Variants in PAM observed in about 807,000 individuals in gnomAD.
PAM encodes peptidyl-glycine alpha-amidating monooxygenase.
A neutral mutation model predicts 122.1 loss-of-function variants in PAM; 72 were observed. That is an observed-to-expected ratio of 0.59 (90% CI 0.49 to 0.72). The LOEUF is 0.72. PAM is among the 30% of genes least tolerant of loss of function. PAM has a pLI of 0.00. For missense variants in PAM, 1,106 were observed against 1,183.7 expected, an observed-to-expected ratio of 0.93 and a Z score of 0.96; for synonymous variants, 389 against 404.4, an observed-to-expected ratio of 0.96 and a Z score of 0.46.
chr5:102,917,813 T>C (rs1745961147), intron 5 of PAM, among the ~76,000 whole-genome samples: 1 of 152,198 alleles, frequency 6.6e-6, no homozygotes, highest in Admixed American at 6.5e-5. Context: ...AATTGCCTCT[T>C]TCTACTGTTC....
chr5:102,912,585 T>C (rs1258176847), intron 4 of PAM, among the ~76,000 whole-genome samples: 5 of 151,830 alleles, frequency 3.3e-5, no homozygotes, highest in African/African-American at 1.2e-4. Flanking sequence ...CTGTTTCTCT[T>C]GCTAACAAAC....
chr5:102,794,496 A>G (rs1180947308), intron 1 of PAM, among the ~76,000 whole-genome samples: 1 of 152,216 alleles, frequency 6.6e-6, no homozygotes, highest in Non-Finnish European at 1.5e-5. Flanking sequence ...TTGAATTAGC[A>G]GATTCTTCCT....
intron 1 of PAM, among the ~76,000 whole-genome samples, chr5:102,800,477 A>G (rs1764415648): frequency 6.6e-6 from 1 of 152,226 alleles, no homozygotes; most frequent in Non-Finnish European, 1.5e-5. Flanking sequence ...TGCTCTCAGC[A>G]ACCTTTAGAA....
At chr5:103,009,450 A>T (rs1457715174) in intron 20 of PAM, among the ~76,000 whole-genome samples, 3 of 152,120 alleles carry the variant, frequency 2.0e-5, no homozygotes, top group Non-Finnish European at 4.4e-5. Context: ...TGTAATAGCT[A>T]TATATGTGTA....
chr5:102,832,794 C>T (rs567746154), intron 1 of PAM, among the ~76,000 whole-genome samples: 2 of 152,226 alleles, frequency 1.3e-5, no homozygotes, highest in Admixed American at 6.6e-5. Flanking sequence ...AACCACACAA[C>T]CTGTGCACAG....
chr5:102,956,660 T>C (rs1019472925), intron 12 of PAM, among the ~76,000 whole-genome samples: 2 of 152,100 alleles, frequency 1.3e-5, no homozygotes, highest in African/African-American at 4.8e-5. Context: ...TTATGCCACC[T>C]TTTTATTTCA....
intron 15 of PAM, among the ~76,000 whole-genome samples, chr5:102,984,560 G>A (rs2150658638): frequency 6.6e-6 from 1 of 152,234 alleles, no homozygotes; most frequent in Middle Eastern, 3.4e-3. Flanking sequence ...AAATATATAT[G>A]CATATGCGTC....
intron 14 of PAM, among the ~76,000 whole-genome samples, chr5:102,973,624 G>A (rs1270231071): frequency 2.0e-5 from 3 of 152,190 alleles, no homozygotes; most frequent in South Asian, 4.1e-4. Context: ...GTTGTCAAAT[G>A]GATACGTATT....
chr5:102,840,396 C>G (rs1778261119), intron 1 of PAM, among the ~76,000 whole-genome samples: 1 of 152,010 alleles, frequency 6.6e-6, no homozygotes, highest in Non-Finnish European at 1.5e-5. Context: ...AATGTATTGA[C>G]TTGTACATAG....
At chr5:102,867,603 CTTATA>C (rs976008333) in intron 3 of PAM, among the ~76,000 whole-genome samples, 9 of 152,138 alleles carry the variant, frequency 5.9e-5, no homozygotes, top group African/African-American at 1.4e-4. Flanking sequence ...TAAAATTTTA[CTTATA>C]TTATCATTTG....
intron 1 of PAM, 81 bp from the exon 2 acceptor site, chr5:102,865,742 A>T (rs1334103317): frequency 6.4e-6 from 1 of 155,780 alleles, no homozygotes; most frequent in Non-Finnish European, 1.4e-5. Context: ...CTACTAATGT[A>T]TTAAAGAACC....
rs1264960212 is a variant in PAM at position 102,901,442 on chromosome 5, C to T, written c.268+29C>T. On this transcript the variant is annotated intron_variant, in intron 4 of 25. Transcript: ENST00000438793. The stretch of plus-strand genomic sequence containing the variant: ...AGTATTAATTGGATTGGGGGAGTAG[C>T]AGTTTAATGGAGGGCAGTGATTTGA... The T allele has an allele frequency of 3.9e-6, 5 of 1,266,184 alleles. No homozygotes were observed. In the African/African-American group the frequency reaches 5.9e-5, roughly 15 times the overall value. The allele number at this position is 1,266,184 out of a possible 1,614,324, so 78.4% of individuals were successfully genotyped here. A position where few individuals can be genotyped will look rare whatever the true frequency, so the allele number is the denominator to read the frequency against.
At chr5:102,934,052 G>A (rs530660956) in intron 7 of PAM, among the ~76,000 whole-genome samples, 12 of 152,260 alleles carry the variant, frequency 7.9e-5, no homozygotes, top group East Asian at 7.7e-4. Context: ...ACTCCGCTGC[G>A]AAGTGCACAA....
At chr5:102,913,002 C>A (rs1168481855) in intron 4 of PAM, among the ~76,000 whole-genome samples, 1 of 151,984 alleles carries the variant, frequency 6.6e-6, no homozygotes, top group Middle Eastern at 3.2e-3. Context: ...CTCACATACA[C>A]ATTTTAGCAA....
chr5:102,813,075 GA>G (rs1032189821), intron 1 of PAM, among the ~76,000 whole-genome samples: 117 of 143,244 alleles, frequency 8.2e-4, no homozygotes, highest in East Asian at 7.0e-3. Flanking sequence ...TTGCTTATTT[GA>G]AAAAAAAAAA....
intron 19 of PAM, 114 bp from the exon 20 acceptor site, chr5:103,007,342 TC>T (rs1358328842): frequency 5.9e-5 from 47 of 800,294 alleles, no homozygotes; most frequent in Non-Finnish European, 9.4e-5. Context: ...ACCTTATCTT[TC>T]CCCTGGCTCC....
intron 1 of PAM, among the ~76,000 whole-genome samples, chr5:102,820,645 G>C (rs761809580): frequency 2.0e-5 from 3 of 152,042 alleles, no homozygotes; most frequent in Non-Finnish European, 4.4e-5. Flanking sequence ...AGATTAGTGA[G>C]GAATACACAT....
chr5:103,019,879 G>T (rs984262881), intron 23 of PAM, 36 bp downstream of exon 23: 1 of 1,292,536 alleles, frequency 7.7e-7, no homozygotes, highest in Non-Finnish European at 1.1e-6. Flanking sequence ...TAAAACCAAA[G>T]TCTGGCTGTG....
At chr5:102,881,718 G>A (rs1389787953) in intron 3 of PAM, among the ~76,000 whole-genome samples, 1 of 151,044 alleles carries the variant, frequency 6.6e-6, no homozygotes, top group African/African-American at 2.4e-5. Flanking sequence ...GGTTTTGGGG[G>A]AACATGTGGT....
Sources: allele counts gnomAD v4.1 joint callset (sites outside exome capture counted in the v4.1 genomes callset), GRCh38; gene constraint gnomAD v4.1.1; transcripts MANE v1.5; gene names NCBI Gene and HGNC (gene_info 2026-07-23, HGNC 2026-07-21).